NOTCH1: variants seen among roughly 807,000 people sequenced by gnomAD.
NOTCH1 encodes the protein notch receptor 1.
A neutral mutation model predicts 254.8 loss-of-function variants in NOTCH1; 37 were observed. That is an observed-to-expected ratio of 0.15 (90% CI 0.11 to 0.19). NOTCH1 has a LOEUF of 0.19. Ranked by LOEUF, NOTCH1 falls within the 10% of genes least tolerant of loss-of-function variation. NOTCH1 has a pLI of 1.00. For missense variants in NOTCH1, 2,972 were observed against 3,708.6 expected, an observed-to-expected ratio of 0.80 and a Z score of 5.16; for synonymous variants, 1,731 against 1,618.1, an observed-to-expected ratio of 1.07 and a Z score of -1.68.
rs758505469 is a variant in NOTCH1, at chr9:136,505,014, C to T, written c.4677G>A (p.Leu1559=). Residue 1559 remains leucine (L), a synonymous_variant, in exon 26 of 34, where the codon CTG becomes CTA. Transcript: ENST00000651671. ...CNSAECEWDG[L]DCAEHVPERL... ...TCTCGGGTACATGCTCCGCACAGTCCAGCCCGTCCCACTCGCACTCCGCGC... is the reference window on the plus strand; with the variant it reads ...TCTCGGGTACATGCTCCGCACAGTCTAGCCCGTCCCACTCGCACTCCGCGC... 2 of 1,603,874 alleles carry T rather than the reference C, an allele frequency of 1.2e-6. No individual in the cohort carries two copies. Among genetic ancestry groups the T allele is most frequent in the Admixed American group, 1.7e-5 (1 of 59,232 alleles).
chr9:136,525,703 T>A (rs1199413891), intron 2 of NOTCH1, among the ~76,000 whole-genome samples: 1 of 152,230 alleles, frequency 6.6e-6, no homozygotes, highest in Admixed American at 6.5e-5. Flanking sequence ...CCCACCCCAG[T>A]GTCTCCAATC....
chr9:136,543,296 G>A (rs1336607230), intron 2 of NOTCH1: 2 of 221,244 alleles, frequency 9.0e-6, no homozygotes, highest in Non-Finnish European at 1.9e-5. Flanking sequence ...CCGCCTAGAG[G>A]AGGTATCACC....
intron 2 of NOTCH1, among the ~76,000 whole-genome samples, chr9:136,526,304 C>G (rs945408632): frequency 2.0e-5 from 3 of 152,220 alleles, no homozygotes; most frequent in Non-Finnish European, 4.4e-5. Flanking sequence ...CATTGTCAGG[C>G]GGGAGTTGGC....
chr9:136,508,808 C>T, intron 19 of NOTCH1, 62 bp downstream of exon 19: 4 of 1,472,190 alleles, frequency 2.7e-6, no homozygotes, highest in Non-Finnish European at 2.7e-6. Flanking sequence ...GTTCCCACCT[C>T]CCGCAGGTAG....
chr9:136,524,007 G>C (rs1336602408), intron 2 of NOTCH1, 28 bp from the exon 3 acceptor site: 3 of 1,538,470 alleles, frequency 1.9e-6, no homozygotes, highest in Non-Finnish European at 2.6e-6. Context: ...AGGGCAGTTA[G>C]TTCCCACCTG....
Position 136,545,676 on chromosome 9 carries a change from G to C in NOTCH1, c.61+50C>G. On this transcript the variant is annotated intron_variant, in intron 1 of 33. Coordinates refer to ENST00000651671, the MANE Select transcript of NOTCH1 (RefSeq NM_017617.5). The surrounding 1 kb of genome is among the most constrained non-coding windows in gnomAD (Gnocchi z 6.8). The stretch of plus-strand genomic sequence containing the variant: ...GGCGCGCGCGCCGGGCGCCGCCAAA[G>C]TTTCCAAAGGGCGCGGAAAGTGGGG... 7.1e-7 allele frequency: 1 copy of C among 1,411,766 alleles called. No individual in the cohort carries two copies. The highest frequency in any genetic ancestry group is 9.3e-7 in the Non-Finnish European group (1 of 1,076,540). 87.5% of individuals were successfully genotyped at this position (1,411,766 alleles called of 1,614,324 possible).
rs749267756 is a variant in NOTCH1 at position 136,518,646 on chromosome 9, G to A, written c.1044C>T (p.Ala348=). ...AGGAGGCCACACGGTCATGGCAGGT[G>A]GCGCCGTGGAAGCAGGCGGCGCTGG... ...DCASAACFHG[A]TCHDRVASFY... Residue 348 remains alanine, a synonymous_variant, in exon 6 of 34, where the codon GCC becomes GCT. Coordinates refer to ENST00000651671, the MANE Select transcript of NOTCH1 (RefSeq NM_017617.5). The A allele has an allele frequency of 6.8e-6, 11 of 1,611,838 alleles. No homozygotes were observed. Among genetic ancestry groups the A allele is most frequent in the Middle Eastern group, 1.7e-4 (1 of 6,060 alleles).
In NOTCH1 at chr9:136,505,752, C is replaced by T. The variant is rs764931034; in HGVS notation, c.4144G>A (p.Glu1382Lys). The change falls in exon 25 of 34, where the codon GAA becomes AAA. Residue 1382 changes from glutamate (E) to lysine (K), a missense_variant. By Grantham distance (56) the Glu-to-Lys change is moderately conservative. Around this residue, in one of 8 missense-constraint regions of NOTCH1, gnomAD observed 1,343 missense variants for 1,557.0 expected, o/e 0.86. Transcript: ENST00000651671. ...GGGCTGCTGGCCGGGAACTGGCATT[C>T]GGGGCCCGTGAAGGGGCCCAGGCAC... Reference protein sequence around the residue: ...CLCLGPFTGPECQFPASSPCL... With the variant: ...CLCLGPFTGPKCQFPASSPCL... 5.0e-6 allele frequency: 8 copies of T among 1,587,290 alleles called. No individual in the cohort carries two copies. Among genetic ancestry groups the T allele is most frequent in the East Asian group, 2.2e-5 (1 of 44,458 alleles).
intron 2 of NOTCH1, among the ~76,000 whole-genome samples, chr9:136,533,315 C>G (rs879584149): frequency 0.33 from 32,528 of 99,002 alleles, 6,924 homozygotes; most frequent in East Asian, 0.74. Context: ...AGCCTGAGCT[C>G]AAGCATCTCT....
At position 136,523,855 on chromosome 9, in the gene NOTCH1, A is replaced by G. The variant is rs2133379413; in HGVS notation, c.265T>C (p.Cys89Arg). Residue 89 changes from cysteine to arginine, a missense_variant, in exon 3 of 34, where the codon TGT (cysteine) becomes CGT (arginine). Cys to Arg is a radical substitution (Grantham distance 180). Around this residue, in one of 8 missense-constraint regions of NOTCH1, gnomAD observed 374 missense variants for 496.3 expected, o/e 0.75. Transcript: ENST00000651671. ...AGGGGCCCAGAGAAGCCCAGGGCACAGCTGCAGGCATAGTCTGCCACGCCT... is the reference window on the plus strand; with the variant it reads ...AGGGGCCCAGAGAAGCCCAGGGCACGGCTGCAGGCATAGTCTGCCACGCCT... ...RRGVADYACS[C>R]ALGFSGPLCL... is the part of the protein sequence containing the mutation. 1 of 1,611,710 alleles carries G rather than the reference A, an allele frequency of 6.2e-7. No individual in the cohort carries two copies. Among genetic ancestry groups the G allele is most frequent in the Non-Finnish European group, 8.5e-7 (1 of 1,179,590 alleles).
chr9:136,531,167 A>G (rs1217072786), intron 2 of NOTCH1, among the ~76,000 whole-genome samples: 1 of 152,212 alleles, frequency 6.6e-6, no homozygotes, highest in African/African-American at 2.4e-5. Context: ...CCAGCAGTGA[A>G]GAAACTGAGC....
Position 136,494,621 on chromosome 9 carries a change from TG to T in NOTCH1, c.*1449del, listed in dbSNP as rs2133311572. ...CGCATCTGGTCATGCCCCCTGGGGA[TG>T]GCACCACGCGGCCCCCGTAGAGCCG... On this transcript the variant is annotated 3_prime_UTR_variant, in exon 34 of 34. Coordinates refer to ENST00000651671, the MANE Select transcript of NOTCH1 (RefSeq NM_017617.5). The T allele has an allele frequency of 2.5e-6, 1 of 398,868 alleles. No homozygotes were observed. The highest frequency in any genetic ancestry group is 1.3e-4 in the South Asian group (1 of 7,854). The allele number at this position is 398,868 out of a possible 1,614,324, so 24.7% of individuals were successfully genotyped here. A position where few individuals can be genotyped will look rare whatever the true frequency, so the allele number is the denominator to read the frequency against.
Position 136,495,548 on chromosome 9 carries a change from C to T in NOTCH1, c.*523G>A, listed in dbSNP as rs1048945320. The T allele has an allele frequency of 3.0e-5, 12 of 399,734 alleles. No individual in the cohort carries two copies. The highest frequency in any genetic ancestry group is 2.3e-4 in the African/African-American group (11 of 48,634). 24.8% of individuals were successfully genotyped at this position (399,734 alleles called of 1,614,324 possible). ...TGCCTCCGTTTGCCTCTGGATGCAG[C>T]TTCTCCTAACAGGCAGGTGATGCTG... On this transcript the variant is annotated 3_prime_UTR_variant, in exon 34 of 34. Transcript: ENST00000651671.
At chr9:136,526,445 A>G (rs945541014) in intron 2 of NOTCH1, among the ~76,000 whole-genome samples, 3 of 152,232 alleles carry the variant, frequency 2.0e-5, no homozygotes, top group Admixed American at 2.0e-4. Context: ...GGCCCATGCA[A>G]GCTGGTCCCC....
At position 136,508,328 on chromosome 9, in the gene NOTCH1, T is replaced by C. The variant is rs2133347495; in HGVS notation, c.3229A>G (p.Thr1077Ala). Reference protein sequence around the residue: ...PCKNGGKCWQTHTQYRCECPS... With the variant: ...PCKNGGKCWQAHTQYRCECPS... ...CACTCGCAGCGGTACTGGGTGTGGGTCTGCCAGCATTTGCCGCCGTTCTTG... is the reference window on the plus strand; with the variant it reads ...CACTCGCAGCGGTACTGGGTGTGGGCCTGCCAGCATTTGCCGCCGTTCTTG... Residue 1077 changes from threonine to alanine, a missense_variant, in exon 20 of 34, where the codon ACC (threonine) becomes GCC (alanine). Around this residue, in one of 8 missense-constraint regions of NOTCH1, gnomAD observed 1,343 missense variants for 1,557.0 expected, o/e 0.86. Coordinates refer to ENST00000651671, the MANE Select transcript of NOTCH1 (RefSeq NM_017617.5). The C allele has an allele frequency of 6.2e-7, 1 of 1,612,952 alleles. No individual in the cohort carries two copies. Among genetic ancestry groups the C allele is most frequent in the Non-Finnish European group, 8.5e-7 (1 of 1,180,004 alleles).
intron 2 of NOTCH1, among the ~76,000 whole-genome samples, chr9:136,528,441 A>G (rs3124609): frequency 0.035 from 80 of 2,292 alleles, no homozygotes; most frequent in Non-Finnish European, 0.055. Context: ...AGGGACGGTG[A>G]GGGGGGGATG....
intron 4 of NOTCH1, 60 bp from the exon 5 acceptor site, chr9:136,519,625 A>C: frequency 1.2e-6 from 2 of 1,610,074 alleles, no homozygotes. Context: ...TCCTGCCTGG[A>C]CCCCCGACAC....
At chr9:136,525,673 C>T (rs1050922721) in intron 2 of NOTCH1, among the ~76,000 whole-genome samples, 3 of 152,354 alleles carry the variant, frequency 2.0e-5, no homozygotes, top group Non-Finnish European at 4.4e-5. Context: ...CCCAAGTCCT[C>T]GCCTCCTCTC....
At position 136,513,284 on chromosome 9, in the gene NOTCH1, G is replaced by C. The variant is rs1274309084; in HGVS notation, c.2353+108C>G. ...CTGGAGCTAAGGCTTTGCCACGGGA[G>C]GGAGACACCATGCATGGTGCTGGCT... On this transcript the variant is annotated intron_variant, in intron 14 of 33. Coordinates refer to ENST00000651671, the MANE Select transcript of NOTCH1 (RefSeq NM_017617.5). This position sits in a 1 kb window ranked among gnomAD's most constrained non-coding sequence, Gnocchi z 4.7. 3 of 1,549,566 alleles carry C rather than the reference G, an allele frequency of 1.9e-6. No individual in the cohort carries two copies. In the African/African-American group the frequency reaches 4.1e-5, roughly 21 times the overall value.
Sources: gnomAD v4.1 joint callset for allele counts (sites outside exome capture counted in the v4.1 genomes callset) on GRCh38, gnomAD v4.1.1 for gene constraint, gnomAD v4.1.1 regional missense constraint, Gnocchi (gnomAD v3.1) non-coding constraint, MANE v1.5 for transcripts, NCBI Gene and HGNC (gene_info 2026-07-23, HGNC 2026-07-21) for gene names.